The following MAP7 variants were observed in gnomAD, a reference collection of about 807,000 sequenced individuals.
MAP7 encodes the protein ensconsin.
Under a neutral mutation model 94.8 loss-of-function variants are expected in MAP7, and 52 were observed. That is an observed-to-expected ratio of 0.55 (90% CI 0.44 to 0.69). MAP7 has a LOEUF of 0.69. Among genes scored for constraint, MAP7 ranks in the 30% least tolerant of loss-of-function variants. MAP7 has a pLI of 0.00. For synonymous variants in MAP7, 350 were observed against 357.0 expected, an observed-to-expected ratio of 0.98 and a Z score of 0.22; for missense variants, 940 against 964.6, an observed-to-expected ratio of 0.97 and a Z score of 0.34.
chr6:136,492,315 G>A (rs578138089), intron 1 of MAP7, among the ~76,000 whole-genome samples: 17 of 152,250 alleles, frequency 1.1e-4, no homozygotes, highest in South Asian at 4.1e-4. Flanking sequence ...TCTCTAAGCC[G>A]GGAAGTACAC....
chr6:136,486,324 A>C (rs1037342088), intron 1 of MAP7, among the ~76,000 whole-genome samples: 3 of 152,222 alleles, frequency 2.0e-5, no homozygotes, highest in Admixed American at 2.0e-4. Flanking sequence ...GGCAAAAGCA[A>C]GAACAGGACA....
In MAP7 at chr6:136,361,152, A is replaced by G. The variant is rs781312531; in HGVS notation, c.1554T>C (p.Arg518=). 8.1e-6 allele frequency: 13 copies of G among 1,604,272 alleles called. No homozygotes were observed. In the East Asian group the frequency reaches 1.6e-4, roughly 19 times the overall value. The change falls in exon 12 of 18, where the codon CGT becomes CGC. Residue 518 remains arginine, a synonymous_variant. Coordinates refer to ENST00000354570, the MANE Select transcript of MAP7 (RefSeq NM_003980.6). ...GGCGAGTCGTCCTCTCTTCAGCCAC[A>G]CGTTGAGCCAATTCCTCTCTCTTTT... The part of the protein sequence containing the change: ...ERQKREELAQ[R]VAEERTTRRE...
chr6:136,352,190 A>T (rs199692503), intron 16 of MAP7, among the ~76,000 whole-genome samples: 5 of 137,882 alleles, frequency 3.6e-5, no homozygotes, highest in South Asian at 2.4e-4. Context: ...TGCTATTCGT[A>T]TTTTTTTTTT....
chr6:136,496,777 TA>T (rs1171059105), intron 1 of MAP7, among the ~76,000 whole-genome samples: 4,678 of 53,258 alleles, frequency 0.088, 228 homozygotes, highest in African/African-American at 0.24. Context: ...CCGTCTCTAC[TA>T]AAAAAAAAAA....
chr6:136,423,952 C>T (rs995867095), intron 1 of MAP7, among the ~76,000 whole-genome samples: 20 of 151,922 alleles, frequency 1.3e-4, no homozygotes, highest in African/African-American at 4.8e-4. Flanking sequence ...TGCGCCACCA[C>T]GCCTGGATAA....
intron 7 of MAP7, among the ~76,000 whole-genome samples, chr6:136,374,079 C>T (rs925651370): frequency 6.6e-6 from 1 of 152,194 alleles, no homozygotes; most frequent in African/African-American, 2.4e-5. Flanking sequence ...AAACCGGTCT[C>T]TTTTCCCATC....
At chr6:136,395,408 A>AT (rs34425736) in intron 3 of MAP7, among the ~76,000 whole-genome samples, 2,317 of 87,678 alleles carry the variant, frequency 0.026, 66 homozygotes, top group African/African-American at 0.072. Context: ...TTTAATTTGG[A>AT]TTTTTTTTTT....
At chr6:136,457,093 CA>C (rs953077604) in intron 1 of MAP7, among the ~76,000 whole-genome samples, 3 of 146,022 alleles carry the variant, frequency 2.1e-5, no homozygotes, top group African/African-American at 7.5e-5. Context: ...AAAAAAAAAT[CA>C]GAGATGAAAC....
chr6:136,411,117 A>G (rs564299696), intron 3 of MAP7, among the ~76,000 whole-genome samples: 73 of 152,226 alleles, frequency 4.8e-4, no homozygotes, highest in Non-Finnish European at 8.4e-4. Context: ...TCCAGGTTCC[A>G]GTGATTATAT....
chr6:136,529,882 C>G (rs1363576255), intron 1 of MAP7, among the ~76,000 whole-genome samples: 1 of 152,172 alleles, frequency 6.6e-6, no homozygotes, highest in Non-Finnish European at 1.5e-5. Context: ...TGGCCTATGT[C>G]CAACCTGTGA....
At chr6:136,376,605 A>G (rs764221111) in intron 7 of MAP7, among the ~76,000 whole-genome samples, 1 of 152,228 alleles carries the variant, frequency 6.6e-6, no homozygotes, top group South Asian at 2.1e-4. Flanking sequence ...AGTTGACTGC[A>G]CATTTGCACA....
At chr6:136,542,081 T>C (rs1829370121) in intron 1 of MAP7, among the ~76,000 whole-genome samples, 1 of 152,088 alleles carries the variant, frequency 6.6e-6, no homozygotes, top group African/African-American at 2.4e-5. Flanking sequence ...TAAAAAAAAT[T>C]TCAAAGTGGT....
rs1562436923 is a variant in MAP7 at position 136,469,254 on chromosome 6, C to T, written c.68-47455G>A. On this transcript the variant is annotated intron_variant, in intron 1 of 17. Coordinates refer to ENST00000354570, the MANE Select transcript of MAP7 (RefSeq NM_003980.6). Reference sequence around the variant, plus strand: ...TCAAGACTAAGGTATCAGCTTATCACCCCGCTTTTGGTTTCATTCTCTTTT... The same window carrying T: ...TCAAGACTAAGGTATCAGCTTATCATCCCGCTTTTGGTTTCATTCTCTTTT... Among the ~76,000 whole-genome samples the T allele has an allele frequency of 2.0e-5, 3 of 152,244 alleles. No individual in the cohort carries two copies. In the East Asian group the frequency reaches 5.8e-4, roughly 29 times the overall value.
chr6:136,544,211 C>T (rs750102763), intron 1 of MAP7, among the ~76,000 whole-genome samples: 17 of 152,176 alleles, frequency 1.1e-4, no homozygotes, highest in Admixed American at 1.3e-4. Context: ...CATGAGCCAC[C>T]GCACCTGGAC....
At chr6:136,445,175 G>A (rs1397529800) in intron 1 of MAP7, among the ~76,000 whole-genome samples, 2 of 152,148 alleles carry the variant, frequency 1.3e-5, no homozygotes, top group African/African-American at 4.8e-5. Context: ...AGGCCTTTCT[G>A]ATCTGTCCTT....
At chr6:136,548,318 C>T (rs1002758235) in intron 1 of MAP7, among the ~76,000 whole-genome samples, 1 of 151,886 alleles carries the variant, frequency 6.6e-6, no homozygotes, top group Non-Finnish European at 1.5e-5. Flanking sequence ...TAACTACCAC[C>T]TAGATTCAAA....
chr6:136,413,101 G>T (rs1049488904), intron 2 of MAP7, among the ~76,000 whole-genome samples: 4 of 152,188 alleles, frequency 2.6e-5, no homozygotes, highest in Non-Finnish European at 5.9e-5. Flanking sequence ...GGCAGAAGAT[G>T]CAGGGAGCCA....
intron 3 of MAP7, among the ~76,000 whole-genome samples, chr6:136,409,114 GAA>G (rs1269815009): frequency 6.6e-6 from 1 of 151,800 alleles, no homozygotes; most frequent in African/African-American, 2.4e-5. Flanking sequence ...TTAATGCAAA[GAA>G]AAAAATTAGA....
intron 1 of MAP7, among the ~76,000 whole-genome samples, chr6:136,467,194 T>A (rs1360724665): frequency 6.6e-6 from 1 of 152,204 alleles, no homozygotes; most frequent in African/African-American, 2.4e-5. Context: ...ACTTAGCTGT[T>A]TACCAAAATC....
Sources: allele counts gnomAD v4.1 joint callset (sites outside exome capture counted in the v4.1 genomes callset), GRCh38; gene constraint gnomAD v4.1.1; transcripts MANE v1.5; gene names NCBI Gene and HGNC (gene_info 2026-07-23, HGNC 2026-07-21).